ADAM18: variants seen among roughly 807,000 people sequenced by gnomAD.
ADAM18 encodes the protein disintegrin and metalloproteinase domain-containing protein 18.
ADAM18 carries 117 observed loss-of-function variants against 94.4 expected under a neutral mutation model. That is an observed-to-expected ratio of 1.24 (90% confidence interval 1.07 to 1.45). The LOEUF is 1.45. Among genes scored for constraint, ADAM18 ranks in the 40% most tolerant of loss-of-function variants. ADAM18 has a pLI of 0.00. For missense variants in ADAM18, 936 were observed against 880.0 expected, an observed-to-expected ratio of 1.06 and a Z score of -0.81; for synonymous variants, 327 against 291.6, an observed-to-expected ratio of 1.12 and a Z score of -1.24.
chr8:39,677,500 G>T lies in ADAM18; in HGVS notation c.1595G>T (p.Gly532Val). 1 of 1,610,234 alleles carries T rather than the reference G, an allele frequency of 6.2e-7. No homozygotes were observed. Residue 532 changes from glycine (G) to valine (V), a missense_variant, in exon 15 of 20, where the codon GGT (glycine) becomes GTT (valine). Coordinates refer to ENST00000265707, the MANE Select transcript of ADAM18 (RefSeq NM_014237.3). ...NSLHERSENCGFKNSQPLPCE... is the reference protein window; with the variant it reads ...NSLHERSENCVFKNSQPLPCE... ...CTGCATGAAAGATCTGAAAACTGTG[G>T]TTTTAAAAATTCACAACCATTACCT...
intron 14 of ADAM18, among the ~76,000 whole-genome samples, chr8:39,671,308 A>G (rs1157220413): frequency 2.6e-5 from 4 of 152,216 alleles, no homozygotes; most frequent in Non-Finnish European, 4.4e-5. Context: ...AGCTGGTACA[A>G]TTGAAATTAA....
chr8:39,595,819 C>G (rs1157905208), intron 2 of ADAM18, among the ~76,000 whole-genome samples: 3 of 152,144 alleles, frequency 2.0e-5, no homozygotes, highest in South Asian at 2.1e-4. Flanking sequence ...CCACCATGCC[C>G]GGCCTGAACT....
At chr8:39,649,299 G>T (rs189734708) in intron 12 of ADAM18, among the ~76,000 whole-genome samples, 2 of 151,886 alleles carry the variant, frequency 1.3e-5, no homozygotes, top group Admixed American at 6.6e-5. Context: ...GAGGCTGTGT[G>T]TATCTCTATA....
intron 17 of ADAM18, among the ~76,000 whole-genome samples, chr8:39,706,117 G>T (rs1822235829): frequency 6.6e-6 from 1 of 151,952 alleles, no homozygotes; most frequent in Non-Finnish European, 1.5e-5. Flanking sequence ...ATTTTAAAAT[G>T]AAAATACTAA....
intron 12 of ADAM18, among the ~76,000 whole-genome samples, chr8:39,653,992 T>C (rs1407728982): frequency 6.6e-6 from 1 of 152,176 alleles, no homozygotes; most frequent in African/African-American, 2.4e-5. Context: ...TCCCAGCCTC[T>C]GGTAACAACC....
chr8:39,608,504 G>A (rs1819160200), intron 3 of ADAM18, among the ~76,000 whole-genome samples: 1 of 151,688 alleles, frequency 6.6e-6, no homozygotes, highest in African/African-American at 2.4e-5. Context: ...CTGCTTGAGG[G>A]TCCTTGCATT....
chr8:39,644,408 C>T (rs1269449924), intron 10 of ADAM18, among the ~76,000 whole-genome samples: 1 of 152,116 alleles, frequency 6.6e-6, no homozygotes, highest in Non-Finnish European at 1.5e-5. Flanking sequence ...CTCCTGCCTT[C>T]TCCCAAATAG....
intron 2 of ADAM18, among the ~76,000 whole-genome samples, chr8:39,588,105 C>T (rs547125344): frequency 1.3e-5 from 2 of 152,100 alleles, no homozygotes; most frequent in Non-Finnish European, 2.9e-5. Context: ...TTTTGTGGAA[C>T]CTCCATACTG....
chr8:39,657,283 T>C (rs1040852047), intron 12 of ADAM18, among the ~76,000 whole-genome samples: 4 of 152,156 alleles, frequency 2.6e-5, no homozygotes, highest in Admixed American at 6.5e-5. Context: ...TTTTATTGGT[T>C]AGTAGTCACT....
In ADAM18 at chr8:39,613,439, C is replaced by T. The variant is rs377249636; in HGVS notation, c.522+2733C>T. Among the ~76,000 whole-genome samples, 39 of 152,212 alleles carry T rather than the reference C, an allele frequency of 2.6e-4. No homozygotes were observed. The South Asian group carries it at 6.6e-3, about 26-fold the overall frequency. Reference sequence around the variant, plus strand: ...ACTGAACCCAACTTACAAACATGGTCAAACTCTCAAAGCATCAAAGAATAT... The same window carrying T: ...ACTGAACCCAACTTACAAACATGGTTAAACTCTCAAAGCATCAAAGAATAT... On this transcript the variant is annotated intron_variant, in intron 6 of 19. Coordinates refer to ENST00000265707, the MANE Select transcript of ADAM18 (RefSeq NM_014237.3).
chr8:39,608,094 A>C (rs528035426), intron 3 of ADAM18, among the ~76,000 whole-genome samples: 8 of 152,092 alleles, frequency 5.3e-5, no homozygotes, highest in Non-Finnish European at 1.0e-4. Context: ...GGAAAAAAAA[A>C]CATGTAAAAA....
At chr8:39,593,161 T>C (rs1299654142) in intron 2 of ADAM18, among the ~76,000 whole-genome samples, 1 of 152,214 alleles carries the variant, frequency 6.6e-6, no homozygotes, top group African/African-American at 2.4e-5. Flanking sequence ...TAGGACTTTT[T>C]TCCAGATTAA....
In ADAM18 at chr8:39,674,410, T is replaced by C. The variant is rs376162993; in HGVS notation, c.1526-3021T>C. On this transcript the variant is annotated intron_variant, in intron 14 of 19. Transcript: ENST00000265707. ...TTCTTTGTCTCTTTTGATCTTGGTT[T>C]AAAGTTTGTTTTATCAGATACTAGG... Among the ~76,000 whole-genome samples the C allele has an allele frequency of 2.5e-4, 38 of 152,182 alleles. 2 individuals carry two copies. The highest frequency in any genetic ancestry group is 8.4e-4 in the African/African-American group (35 of 41,560).
At chr8:39,605,918 A>G (rs1220065938) in intron 2 of ADAM18, among the ~76,000 whole-genome samples, 1 of 152,072 alleles carries the variant, frequency 6.6e-6, no homozygotes, top group African/African-American at 2.4e-5. Context: ...CTTTGCATCC[A>G]TAGCTTAGTT....
intron 6 of ADAM18, among the ~76,000 whole-genome samples, chr8:39,626,248 T>A (rs1246669205): frequency 6.6e-6 from 1 of 152,170 alleles, no homozygotes; most frequent in African/African-American, 2.4e-5. Context: ...TTCTGTGATG[T>A]CAGGTGTAAT....
At chr8:39,622,528 A>T (rs1300834209) in intron 6 of ADAM18, among the ~76,000 whole-genome samples, 5 of 151,858 alleles carry the variant, frequency 3.3e-5, no homozygotes, top group Non-Finnish European at 7.4e-5. Flanking sequence ...GAATCTATCA[A>T]GAGCAATTAT....
intron 13 of ADAM18, 144 bp downstream of exon 13, chr8:39,664,034 A>G: frequency 1.6e-6 from 1 of 608,212 alleles, no homozygotes. Context: ...CACAAGTTTA[A>G]AGGAAAATTG....
rs557747586 is a variant in ADAM18, at chr8:39,599,474, C to G, written c.133-6833C>G. On this transcript the variant is annotated intron_variant, in intron 2 of 19. Transcript: ENST00000265707. ...TGTTTAGTAGAATTTACCAGTGAAT[C>G]CATCTGGGCCTGGTGCTTCCTGTTG... Among the ~76,000 whole-genome samples the G allele has an allele frequency of 7.6e-4, 116 of 152,154 alleles. 1 individual carries two copies. The highest frequency in any genetic ancestry group is 3.4e-3 in the Middle Eastern group (1 of 294).
intron 6 of ADAM18, among the ~76,000 whole-genome samples, chr8:39,619,459 T>C (rs4733917): frequency 0.58 from 88,210 of 152,060 alleles, 27,244 homozygotes; most frequent in Non-Finnish European, 0.7. Context: ...ATTGAAATTG[T>C]ATTGAATAGT....
Sources: gnomAD v4.1 joint callset for allele counts (sites outside exome capture counted in the v4.1 genomes callset) on GRCh38, gnomAD v4.1.1 for gene constraint, MANE v1.5 for transcripts, NCBI Gene and HGNC (gene_info 2026-07-23, HGNC 2026-07-21) for gene names.